The following MDM4 variants were observed in gnomAD, a reference collection of about 807,000 sequenced individuals.
MDM4 encodes protein Mdm4.
A neutral mutation model predicts 60.2 loss-of-function variants in MDM4; 2 were observed. The observed-to-expected ratio is 0.03, with a 90% confidence interval of 0.01 to 0.10. The LOEUF (loss-of-function observed/expected upper bound fraction) is 0.10, where lower values mean the gene tolerates loss of function less well. Among genes scored for constraint, MDM4 ranks in the 10% least tolerant of loss-of-function variants. The pLI is 1.00. For synonymous variants in MDM4, 202 were observed against 198.1 expected (o/e 1.02, Z -0.17); for missense variants, 447 against 577.5 (o/e 0.77, Z 2.32).
Position 204,521,240 on chromosome 1 carries a change from A to C in MDM4, c.-35-4244A>C, listed in dbSNP as rs1572446535. On this transcript the variant is annotated intron_variant, in intron 1 of 10. Coordinates refer to ENST00000367182, the MANE Select transcript of MDM4 (RefSeq NM_002393.5). ...TCAATTATCTAATGCTATGGAATAAACCACCCCAAAACTTAGTGAGTTGAA... is the reference window on the plus strand; with the variant it reads ...TCAATTATCTAATGCTATGGAATAACCCACCCCAAAACTTAGTGAGTTGAA... Among the ~76,000 whole-genome samples, 5 of 152,290 alleles carry C rather than the reference A, an allele frequency of 3.3e-5. 1 individual carries two copies. The highest frequency in any genetic ancestry group is 3.3e-4 in the Admixed American group (5 of 15,292).
At chr1:204,524,853 A>T (rs572129752) in intron 1 of MDM4, among the ~76,000 whole-genome samples, 1 of 152,178 alleles carries the variant, frequency 6.6e-6, no homozygotes, top group Admixed American at 6.5e-5. Flanking sequence ...TAGGTGAAAG[A>T]TTTTCATTGA....
rs191287694 is a variant in MDM4, at chr1:204,552,512, G to A, written c.*2830G>A. The A allele has an allele frequency of 6.4e-6, 1 of 157,052 alleles. No individual in the cohort carries two copies. The highest frequency in any genetic ancestry group is 2.4e-5 in the African/African-American group (1 of 41,456). 9.7% of individuals were successfully genotyped at this position (157,052 alleles called of 1,614,324 possible). ...TAATTTTTGTATTTTTAGTAGAGAT[G>A]GGGGTTTCACTGTGTTGGCCAGGCT... On this transcript the variant is annotated 3_prime_UTR_variant, in exon 11 of 11. Coordinates refer to ENST00000367182, the MANE Select transcript of MDM4 (RefSeq NM_002393.5).
chr1:204,539,528 TGTTTTGTTTTG>T (rs1661806149), intron 7 of MDM4, among the ~76,000 whole-genome samples: 6 of 145,362 alleles, frequency 4.1e-5, no homozygotes, highest in Non-Finnish European at 7.7e-5. Context: ...TTTTTTTTTT[TGTTTTGTTTTG>T]TTTTTTTTTT....
chr1:204,545,402 G>A (rs1007934460), intron 9 of MDM4, among the ~76,000 whole-genome samples: 14 of 152,188 alleles, frequency 9.2e-5, no homozygotes, highest in Admixed American at 5.9e-4. Flanking sequence ...TACAGATGAA[G>A]AGTCATACAG....
rs2102419017 is a variant in MDM4 at position 204,542,823 on chromosome 1, C to G, written c.551C>G (p.Ser184Cys). 6.2e-7 allele frequency: 1 copy of G among 1,613,562 alleles called. No homozygotes were observed. Among genetic ancestry groups the G allele is most frequent in the Non-Finnish European group, 8.5e-7 (1 of 1,179,818 alleles). Residue 184 changes from serine to cysteine, a missense_variant, in exon 8 of 11, where the codon TCT becomes TGT. By Grantham distance (112) the Ser-to-Cys change is moderately radical (BLOSUM62 -1). This residue lies in a region of MDM4 where 184 missense variants were observed against 179.3 expected (regional missense o/e 1.03). Transcript: ENST00000367182. ...GAAAATTTAGCCCAAGATGAAACAT[C>G]TAGGCTGGACCTTGGATTTGAGGAG... ...LIENLAQDET[S>C]RLDLGFEEWD...
chr1:204,553,751 T>A lies in MDM4; in HGVS notation c.*4069T>A, dbSNP rs1043906549. 9 of 225,008 alleles carry A rather than the reference T, an allele frequency of 4.0e-5. No individual in the cohort carries two copies. Among genetic ancestry groups the A allele is most frequent in the Admixed American group, 1.1e-4 (2 of 17,498 alleles). 13.9% of individuals were successfully genotyped at this position (225,008 alleles called of 1,614,324 possible). On this transcript the variant is annotated 3_prime_UTR_variant, in exon 11 of 11. Transcript: ENST00000367182. ...CTTCTGTCTGAATATTAACTCACTCTCCTTCCAGTGTACTTCACAGTAATT... is the reference window on the plus strand; with the variant it reads ...CTTCTGTCTGAATATTAACTCACTCACCTTCCAGTGTACTTCACAGTAATT...
intron 5 of MDM4, 64 bp downstream of exon 5, chr1:204,532,310 G>C: frequency 9.7e-7 from 1 of 1,029,088 alleles, no homozygotes; most frequent in Non-Finnish European, 1.5e-6. Flanking sequence ...CAAATGATGG[G>C]AAAACAAAGA....
Position 204,538,284 on chromosome 1 carries a change from C to A in MDM4, c.487C>A (p.His163Asn), listed in dbSNP as rs61754766. ...TATCCCCACACTGCCTACCTCAGAG[C>A]ATAAATGCATACATTCTAGAGAAGG... The part of the protein sequence containing the change: ...DDIPTLPTSE[H>N]KCIHSREDED... Residue 163 changes from histidine to asparagine, a missense_variant, in exon 7 of 11, where the codon CAT becomes AAT. Coordinates refer to ENST00000367182, the MANE Select transcript of MDM4 (RefSeq NM_002393.5). 3 of 1,593,284 alleles carry A rather than the reference C, an allele frequency of 1.9e-6. No individual in the cohort carries two copies. In the East Asian group the frequency reaches 6.7e-5, roughly 36 times the overall value.
At chr1:204,547,443 G>A (rs1349284688) in intron 10 of MDM4, among the ~76,000 whole-genome samples, 1 of 152,078 alleles carries the variant, frequency 6.6e-6, no homozygotes, top group Admixed American at 6.5e-5. Flanking sequence ...TTGCTTTTTT[G>A]TTGCTATTTC....
At chr1:204,538,825 C>T (rs542702056) in intron 7 of MDM4, among the ~76,000 whole-genome samples, 3 of 150,850 alleles carry the variant, frequency 2.0e-5, no homozygotes, top group Non-Finnish European at 2.9e-5. Flanking sequence ...TGTGCCTCAG[C>T]CTCCTGAGTA....
intron 7 of MDM4, among the ~76,000 whole-genome samples, chr1:204,539,950 CTG>C (rs1450459750): frequency 6.6e-6 from 1 of 152,148 alleles, no homozygotes; most frequent in Non-Finnish European, 1.5e-5. Flanking sequence ...TTACAAAAAA[CTG>C]TCTTCAGGCT....
Position 204,542,941 on chromosome 1 carries a change from T to C in MDM4, c.669T>C (p.Asn223=). Residue 223 remains asparagine (N), a synonymous_variant, in exon 8 of 11, where the codon AAT becomes AAC. Coordinates refer to ENST00000367182, the MANE Select transcript of MDM4 (RefSeq NM_002393.5). The part of the protein sequence containing the change: ...RSNGSTDLQT[N]QDVGTAIVSD... Reference sequence around the variant, plus strand: ...ATGGCTCAACTGATTTACAGACAAATCAGGTAAATTTCACATTTGAAGGGA... The same window carrying C: ...ATGGCTCAACTGATTTACAGACAAACCAGGTAAATTTCACATTTGAAGGGA... 6.2e-7 allele frequency: 1 copy of C among 1,604,472 alleles called. No individual in the cohort carries two copies. Among genetic ancestry groups the C allele is most frequent in the Non-Finnish European group, 8.5e-7 (1 of 1,176,990 alleles).
Position 204,549,921 on chromosome 1 carries a change from C to A in MDM4, c.*239C>A. ...AGTCAGGTACATAGTTAGGTGAACC[C>A]AAAAGAAAAACTCTTGAAAACAAGA... On this transcript the variant is annotated 3_prime_UTR_variant, in exon 11 of 11. Coordinates refer to ENST00000367182, the MANE Select transcript of MDM4 (RefSeq NM_002393.5). 1 of 357,888 alleles carries A rather than the reference C, an allele frequency of 2.8e-6. No homozygotes were observed. Among genetic ancestry groups the A allele is most frequent in the East Asian group, 4.1e-5 (1 of 24,166 alleles). The allele number at this position is 357,888 out of a possible 1,614,324, so 22.2% of individuals were successfully genotyped here. A position where few individuals can be genotyped will look rare whatever the true frequency, so the allele number is the denominator to read the frequency against.
intron 7 of MDM4, among the ~76,000 whole-genome samples, chr1:204,540,212 G>A (rs1480673183): frequency 1.3e-5 from 2 of 151,684 alleles, no homozygotes; most frequent in African/African-American, 4.8e-5. Context: ...GTGAACCCAG[G>A]AGGTGGAGCT....
chr1:204,532,922 T>C (rs970981244), intron 5 of MDM4: 1 of 1,312,328 alleles, frequency 7.6e-7, no homozygotes, highest in Admixed American at 2.1e-5. Context: ...CCAAGAAAGC[T>C]TTATAGGTAA....
chr1:204,536,105 C>CA (rs1281572795), intron 5 of MDM4, among the ~76,000 whole-genome samples: 3 of 152,016 alleles, frequency 2.0e-5, no homozygotes, highest in Non-Finnish European at 4.4e-5. Context: ...ACTAAAAATA[C>CA]AAAAATTAGT....
intron 1 of MDM4, among the ~76,000 whole-genome samples, chr1:204,520,618 C>T (rs1659478315): frequency 6.6e-6 from 1 of 152,080 alleles, no homozygotes; most frequent in Admixed American, 6.6e-5. Context: ...GGTGTGGTGG[C>T]TCATGCCTGT....
chr1:204,528,503 A>G (rs577222454), intron 3 of MDM4, among the ~76,000 whole-genome samples: 4 of 152,338 alleles, frequency 2.6e-5, no homozygotes, highest in East Asian at 3.9e-4. Flanking sequence ...CACTGGCATC[A>G]GGGTGGAGCT....
rs1663160456 is a variant in MDM4, at chr1:204,551,109, C to G, written c.*1427C>G. 1 of 190,014 alleles carries G rather than the reference C, an allele frequency of 5.3e-6. No individual in the cohort carries two copies. The highest frequency in any genetic ancestry group is 1.9e-4 in the South Asian group (1 of 5,164). The allele number at this position is 190,014 out of a possible 1,614,324, so 11.8% of individuals were successfully genotyped here. On this transcript the variant is annotated 3_prime_UTR_variant, in exon 11 of 11. Transcript: ENST00000367182. ...CCAGGCTGGAGTGCACTGGCACAAT[C>G]ACAGTTCACTGCAGCCTCGACCTCC...
Sources: gnomAD v4.1 joint callset for allele counts (sites outside exome capture counted in the v4.1 genomes callset) on GRCh38, gnomAD v4.1.1 for gene constraint, gnomAD v4.1.1 regional missense constraint, MANE v1.5 for transcripts, NCBI Gene and HGNC (gene_info 2026-07-23, HGNC 2026-07-21) for gene names.